MAP2: variants seen among roughly 807,000 people sequenced by gnomAD.
MAP2 encodes microtubule-associated protein 2.
In MAP2, 14 loss-of-function variants were observed where a neutral mutation model predicts 137.6. The ratio of observed to expected loss-of-function variants is 0.10; its 90% CI spans 0.07 to 0.16. The LOEUF (loss-of-function observed/expected upper bound fraction) is 0.16. Among genes scored for constraint, MAP2 ranks in the 10% least tolerant of loss-of-function variants. The pLI is 1.00. For synonymous variants in MAP2, 786 were observed against 782.3 expected (o/e 1.00, Z -0.08); for missense variants, 2,088 against 2,191.5 (o/e 0.95, Z 0.94).
At chr2:209,592,120 G>A (rs902997224) in intron 3 of MAP2, among the ~76,000 whole-genome samples, 6 of 151,992 alleles carry the variant, frequency 3.9e-5, no homozygotes, top group African/African-American at 1.5e-4. Context: ...TTCTAAACTG[G>A]GTTCAGCACA....
intron 2 of MAP2, among the ~76,000 whole-genome samples, chr2:209,526,309 GTAA>G (rs1336100507): frequency 1.3e-5 from 2 of 151,970 alleles, no homozygotes; most frequent in East Asian, 3.9e-4. Flanking sequence ...AGTTTAAATA[GTAA>G]TAATATACAA....
chr2:209,452,772 A>G (rs1700611452), intron 1 of MAP2, among the ~76,000 whole-genome samples: 1 of 152,202 alleles, frequency 6.6e-6, no homozygotes. Flanking sequence ...GCAACCTGAA[A>G]CATGCAGAGA....
At chr2:209,562,691 T>C (rs1252366745) in intron 2 of MAP2, among the ~76,000 whole-genome samples, 1 of 151,442 alleles carries the variant, frequency 6.6e-6, no homozygotes, top group East Asian at 1.9e-4. Flanking sequence ...GGTGAGACTC[T>C]GTCAAAAAAA....
chr2:209,434,863 T>TTATATATATATGTTATATATATGTTA lies in MAP2; in HGVS notation c.-222+10596_-222+10597insATGTTATATATATGTTATATATATAT, dbSNP rs58339476. Reference sequence around the variant, plus strand: ...TATATATATATGTTATATATATATGTTATATATATGTTATATATATGTTAT... The same window carrying TTATATATATATGTTATATATATGTTA: ...TATATATATATGTTATATATATATGTTATATATATATGTTATATATATGTTATATATATATGTTATATATATGTTAT... On this transcript the variant is annotated intron_variant, in intron 1 of 15. Transcript: ENST00000682079. Among the ~76,000 whole-genome samples the TTATATATATATGTTATATATATGTTA allele has an allele frequency of 3.5e-4, 34 of 96,566 alleles. 2 individuals carry two copies. Among genetic ancestry groups the TTATATATATATGTTATATATATGTTA allele is most frequent in the South Asian group, 1.7e-3 (5 of 3,026 alleles). The allele number at this position is 96,566 out of a possible 152,430, so 63.4% of individuals were successfully genotyped here. A position where few individuals can be genotyped will look rare whatever the true frequency, so the allele number is the denominator to read the frequency against.
intron 1 of MAP2, among the ~76,000 whole-genome samples, chr2:209,497,905 A>G (rs1420233946): frequency 2.0e-5 from 3 of 152,156 alleles, no homozygotes; most frequent in African/African-American, 7.2e-5. Flanking sequence ...ACAAATATGA[A>G]AACTATATCA....
intron 1 of MAP2, among the ~76,000 whole-genome samples, chr2:209,478,304 G>T (rs1424132455): frequency 1.3e-5 from 2 of 152,114 alleles, no homozygotes; most frequent in East Asian, 3.8e-4. Flanking sequence ...CTCTGTGCCT[G>T]ATGTCCTTAT....
At chr2:209,628,098 G>A (rs944540097) in intron 4 of MAP2, among the ~76,000 whole-genome samples, 12 of 152,106 alleles carry the variant, frequency 7.9e-5, no homozygotes, top group African/African-American at 2.9e-4. Context: ...CGGGCACGGT[G>A]ACTCACGCCT....
intron 10 of MAP2, among the ~76,000 whole-genome samples, chr2:209,698,875 C>A (rs2060984321): frequency 6.6e-6 from 1 of 152,140 alleles, no homozygotes; most frequent in Admixed American, 6.5e-5. Flanking sequence ...ACTCTATAAC[C>A]TACCTAAAAG....
At chr2:209,550,097 T>TC (rs1363482941) in intron 2 of MAP2, among the ~76,000 whole-genome samples, 6 of 152,324 alleles carry the variant, frequency 3.9e-5, no homozygotes, top group Non-Finnish European at 8.8e-5. Context: ...TTATTGTCAA[T>TC]CCCGGGGGAA....
chr2:209,567,460 T>TGGTA (rs1425526301), intron 2 of MAP2, among the ~76,000 whole-genome samples: 1 of 152,010 alleles, frequency 6.6e-6, no homozygotes, highest in Admixed American at 6.6e-5. Flanking sequence ...CACAAGAGTG[T>TGGTA]GGTAGCTCAA....
chr2:209,551,463 T>A (rs1431597467), intron 2 of MAP2, among the ~76,000 whole-genome samples: 1 of 152,220 alleles, frequency 6.6e-6, no homozygotes. Context: ...TCATAATTTT[T>A]AAAAAGTGAT....
intron 3 of MAP2, among the ~76,000 whole-genome samples, chr2:209,592,597 G>A (rs1015112094): frequency 1.3e-5 from 2 of 151,634 alleles, no homozygotes; most frequent in African/African-American, 2.4e-5. Flanking sequence ...TTAGCATCCA[G>A]TGTTATTGAT....
At position 209,695,023 on chromosome 2, in the gene MAP2, C is replaced by T; in HGVS notation, c.2853C>T (p.Asp951=). Residue 951 remains aspartate, a synonymous_variant, in exon 8 of 16, where the codon GAC becomes GAT. Transcript: ENST00000682079. Reference sequence around the variant, plus strand: ...AATCAGGACTGAGTAAGGAGTTTGACCAAGAGAAGAAAGCTAATGATAGGT... The same window carrying T: ...AATCAGGACTGAGTAAGGAGTTTGATCAAGAGAAGAAAGCTAATGATAGGT... ...GDKSGLSKEF[D]QEKKANDRLD... The T allele has an allele frequency of 6.2e-7, 1 of 1,613,966 alleles. No homozygotes were observed. The highest frequency in any genetic ancestry group is 8.5e-7 in the Non-Finnish European group (1 of 1,180,024).
chr2:209,662,445 A>C (rs1013970559), intron 5 of MAP2, among the ~76,000 whole-genome samples: 2 of 152,218 alleles, frequency 1.3e-5, no homozygotes, highest in African/African-American at 4.8e-5. Flanking sequence ...ATGACAATTC[A>C]GACCTATTTA....
chr2:209,483,438 G>A (rs910425946), intron 1 of MAP2, among the ~76,000 whole-genome samples: 5 of 152,252 alleles, frequency 3.3e-5, no homozygotes, highest in African/African-American at 1.2e-4. Flanking sequence ...GCCAGTGATG[G>A]TGGCCTGTGC....
chr2:209,540,630 CAAAAAAAAAAAAAA>C (rs749183996), intron 2 of MAP2, among the ~76,000 whole-genome samples: 12 of 27,588 alleles, frequency 4.3e-4, no homozygotes, highest in East Asian at 2.4e-3. Context: ...GACTCCGTCT[CAAAAAAAAAAAAAA>C]AAAAAAAAAA....
chr2:209,424,162 C>T lies in MAP2; in HGVS notation c.-336C>T, dbSNP rs561828230. 7,990 of 50,550 alleles carry T rather than the reference C, an allele frequency of 0.16. 311 individuals carry two copies. The highest frequency in any genetic ancestry group is 0.24 in the African/African-American group (900 of 3,782). 3.1% of individuals were successfully genotyped at this position (50,550 alleles called of 1,614,324 possible). A position where few individuals can be genotyped will look rare whatever the true frequency, so the allele number is the denominator to read the frequency against. ...TTTCTCTTCCTTCTCCTTCTTTTTC[C>T]CCCCCCTCCCCTTCTTCCCCTAACC... is the stretch of plus-strand genomic sequence containing the variant. On this transcript the variant is annotated 5_prime_UTR_variant, in exon 1 of 16. Coordinates refer to ENST00000682079, the MANE Select transcript of MAP2 (RefSeq NM_001375505.1).
At position 209,677,442 on chromosome 2, in the gene MAP2, A is replaced by C. The variant is rs1256038483; in HGVS notation, c.263-1130A>C. On this transcript the variant is annotated intron_variant, in intron 5 of 15. Coordinates refer to ENST00000682079, the MANE Select transcript of MAP2 (RefSeq NM_001375505.1). The stretch of plus-strand genomic sequence containing the variant: ...GACAGACAGACAGACAGACAGACAG[A>C]TAGATGTTGCTCAATTGTGGCTCAT... Among the ~76,000 whole-genome samples, 4 of 144,630 alleles carry C rather than the reference A, an allele frequency of 2.8e-5. No homozygotes were observed. In the South Asian group the frequency reaches 6.3e-4, roughly 23 times the overall value. 94.9% of individuals were successfully genotyped at this position (144,630 alleles called of 152,430 possible).
At chr2:209,511,375 A>G (rs1431861715) in intron 2 of MAP2, among the ~76,000 whole-genome samples, 1 of 152,102 alleles carries the variant, frequency 6.6e-6, no homozygotes, top group Non-Finnish European at 1.5e-5. Context: ...AAGAGGGATC[A>G]TGTTCATCAT....
Sources: gnomAD v4.1 joint callset for allele counts (sites outside exome capture counted in the v4.1 genomes callset) on GRCh38, gnomAD v4.1.1 for gene constraint, MANE v1.5 for transcripts, NCBI Gene and HGNC (gene_info 2026-07-23, HGNC 2026-07-21) for gene names.